The following PPM1H variants were observed in gnomAD, a reference collection of about 807,000 sequenced individuals.
PPM1H encodes the protein protein phosphatase, Mg2+/Mn2+ dependent 1H.
A neutral mutation model predicts 54.9 loss-of-function variants in PPM1H; 27 were observed. The observed-to-expected ratio is 0.49, with a 90% CI of 0.36 to 0.68. The LOEUF (loss-of-function observed/expected upper bound fraction) is 0.68. PPM1H is among the 30% of genes least tolerant of loss of function. PPM1H has a pLI of 0.00. For synonymous variants in PPM1H, 305 were observed against 270.8 expected (o/e 1.13, Z -1.24); for missense variants, 596 against 667.8 (o/e 0.89, Z 1.19).
intron 1 of PPM1H, among the ~76,000 whole-genome samples, chr12:62,930,262 T>A (rs1329327913): frequency 1.3e-5 from 2 of 152,234 alleles, no homozygotes; most frequent in Non-Finnish European, 2.9e-5. Context: ...GACATACACT[T>A]ATATGATATA....
chr12:62,791,167 C>A (rs12298713), intron 3 of PPM1H, among the ~76,000 whole-genome samples: 4 of 152,090 alleles, frequency 2.6e-5, no homozygotes, highest in Admixed American at 2.6e-4. Context: ...GCTTACAATG[C>A]CAACGCTCGC....
At chr12:62,881,613 A>G (rs1021799203) in intron 1 of PPM1H, among the ~76,000 whole-genome samples, 1 of 152,110 alleles carries the variant, frequency 6.6e-6, no homozygotes, top group Non-Finnish European at 1.5e-5. Context: ...TAATTCATAC[A>G]TATCTAGATA....
At chr12:62,685,026 C>T (rs985864131) in intron 8 of PPM1H, among the ~76,000 whole-genome samples, 11 of 152,232 alleles carry the variant, frequency 7.2e-5, no homozygotes, top group African/African-American at 9.6e-5. Flanking sequence ...CCCCTCCCCC[C>T]GCCACCCCTT....
intron 6 of PPM1H, among the ~76,000 whole-genome samples, chr12:62,718,904 A>T (rs1332378635): frequency 6.6e-6 from 1 of 152,196 alleles, no homozygotes; most frequent in Non-Finnish European, 1.5e-5. Context: ...AGCAGGGGTA[A>T]ATTCTTAGGC....
At chr12:62,706,110 A>C (rs903909276) in intron 6 of PPM1H, among the ~76,000 whole-genome samples, 3 of 152,238 alleles carry the variant, frequency 2.0e-5, no homozygotes, top group Non-Finnish European at 4.4e-5. Context: ...TTTCCACCCA[A>C]GTGCCTTTGA....
chr12:62,828,857 A>C (rs1054539758), intron 2 of PPM1H, among the ~76,000 whole-genome samples: 12 of 152,198 alleles, frequency 7.9e-5, no homozygotes, highest in Non-Finnish European at 1.8e-4. Context: ...AATGCTCAAC[A>C]TCACTAATCA....
chr12:62,724,593 C>T (rs563884811), intron 5 of PPM1H, among the ~76,000 whole-genome samples: 6 of 152,264 alleles, frequency 3.9e-5, no homozygotes, highest in Non-Finnish European at 5.9e-5. Context: ...CACTCTGAGG[C>T]GCCTTCACAC....
intron 5 of PPM1H, among the ~76,000 whole-genome samples, chr12:62,725,334 C>A (rs1210018201): frequency 2.0e-5 from 3 of 152,202 alleles, no homozygotes; most frequent in South Asian, 4.1e-4. Flanking sequence ...ACAGGAAAGT[C>A]TCTCAACTTC....
intron 9 of PPM1H, among the ~76,000 whole-genome samples, chr12:62,661,750 T>C (rs1266939317): frequency 6.6e-6 from 1 of 152,120 alleles, no homozygotes; most frequent in Admixed American, 6.5e-5. Context: ...GAGGAAGTCT[T>C]GCTGTGTTGT....
intron 4 of PPM1H, among the ~76,000 whole-genome samples, chr12:62,746,115 A>C (rs1044110549): frequency 1.3e-5 from 2 of 152,158 alleles, no homozygotes; most frequent in Non-Finnish European, 2.9e-5. Flanking sequence ...GGATCACTTG[A>C]GCCCAGAAAG....
intron 1 of PPM1H, among the ~76,000 whole-genome samples, chr12:62,897,991 C>G (rs1871047768): frequency 6.6e-6 from 1 of 152,144 alleles, no homozygotes; most frequent in Admixed American, 6.5e-5. Flanking sequence ...AAGAAACTGA[C>G]CCTTAGCCTA....
At chr12:62,924,499 A>G (rs1871910546) in intron 1 of PPM1H, among the ~76,000 whole-genome samples, 1 of 152,224 alleles carries the variant, frequency 6.6e-6, no homozygotes, top group Non-Finnish European at 1.5e-5. Context: ...TTGCACAAAC[A>G]TAGGTGAACA....
At chr12:62,828,826 A>T (rs1868319878) in intron 2 of PPM1H, among the ~76,000 whole-genome samples, 1 of 152,226 alleles carries the variant, frequency 6.6e-6, no homozygotes. Flanking sequence ...AAGAACATAT[A>T]CAAAGGTCCA....
intron 3 of PPM1H, among the ~76,000 whole-genome samples, chr12:62,789,506 T>C (rs2076692024): frequency 6.6e-6 from 1 of 152,380 alleles, no homozygotes; most frequent in South Asian, 2.1e-4. Context: ...AAATGACTTA[T>C]AGGGCTTCTG....
intron 4 of PPM1H, among the ~76,000 whole-genome samples, chr12:62,757,415 T>TA (rs751896856): frequency 6.6e-6 from 1 of 152,158 alleles, no homozygotes; most frequent in Non-Finnish European, 1.5e-5. Flanking sequence ...TTCAGGTGTG[T>TA]AAAAAATATT....
intron 1 of PPM1H, among the ~76,000 whole-genome samples, chr12:62,875,079 C>T (rs868737051): frequency 1.3e-5 from 2 of 152,180 alleles, no homozygotes; most frequent in Non-Finnish European, 2.9e-5. Flanking sequence ...CCATTCAGTA[C>T]GTAAGCATTA....
intron 1 of PPM1H, among the ~76,000 whole-genome samples, chr12:62,880,338 C>T (rs1870347099): frequency 6.6e-6 from 1 of 152,124 alleles, no homozygotes; most frequent in Admixed American, 6.5e-5. Context: ...TAGGTGCCCT[C>T]TTCATTTGGC....
At chr12:62,862,477 T>C (rs1869637917) in intron 1 of PPM1H, among the ~76,000 whole-genome samples, 1 of 152,228 alleles carries the variant, frequency 6.6e-6, no homozygotes. Flanking sequence ...GATGCATGAA[T>C]GATATATGAT....
intron 5 of PPM1H, among the ~76,000 whole-genome samples, chr12:62,734,634 T>C (rs2076341136): frequency 6.6e-6 from 1 of 152,232 alleles, no homozygotes; most frequent in Non-Finnish European, 1.5e-5. Flanking sequence ...AGGTCCATTC[T>C]TGTAACATGA....
Sources: gnomAD v4.1 joint callset for allele counts (sites outside exome capture counted in the v4.1 genomes callset) on GRCh38, gnomAD v4.1.1 for gene constraint, MANE v1.5 for transcripts, NCBI Gene and HGNC (gene_info 2026-07-23, HGNC 2026-07-21) for gene names.